The following N4BP2 variants were observed in gnomAD, a reference collection of about 807,000 sequenced individuals.
N4BP2 encodes NEDD4 binding protein 2.
A neutral mutation model predicts 152.8 loss-of-function variants in N4BP2; 91 were observed. The observed-to-expected ratio is 0.60, with a 90% CI of 0.50 to 0.71. The LOEUF (loss-of-function observed/expected upper bound fraction) is 0.71, where lower values mean the gene tolerates loss of function less well. Ranked by LOEUF, N4BP2 falls within the 30% of genes least tolerant of loss-of-function variation. N4BP2 has a pLI of 0.00. For missense variants in N4BP2, 1,923 were observed against 2,059.1 expected (o/e 0.93, Z 1.28); for synonymous variants, 646 against 705.3 (o/e 0.92, Z 1.33).
chr4:40,135,457 T>C (rs967582274), intron 13 of N4BP2, among the ~76,000 whole-genome samples: 11 of 152,170 alleles, frequency 7.2e-5, no homozygotes, highest in African/African-American at 2.7e-4. Flanking sequence ...CCTTTGGGTA[T>C]ATACCCAGTA....
At chr4:40,082,116 A>C (rs1166508582) in intron 2 of N4BP2, among the ~76,000 whole-genome samples, 1 of 152,022 alleles carries the variant, frequency 6.6e-6, no homozygotes, top group Non-Finnish European at 1.5e-5. Context: ...ATCTCAAAAA[A>C]AATAACAAAA....
At chr4:40,141,594 C>T (rs1381124535) in intron 14 of N4BP2, among the ~76,000 whole-genome samples, 1 of 151,770 alleles carries the variant, frequency 6.6e-6, no homozygotes, top group Non-Finnish European at 1.5e-5. Flanking sequence ...ACGCTCCTCA[C>T]TTTCCAGACT....
At chr4:40,119,603 C>A (rs1330245411) in intron 8 of N4BP2, among the ~76,000 whole-genome samples, 1 of 151,998 alleles carries the variant, frequency 6.6e-6, no homozygotes, top group African/African-American at 2.4e-5. Flanking sequence ...AAAGTGGTGT[C>A]CTCTCCTGGG....
intron 16 of N4BP2, among the ~76,000 whole-genome samples, chr4:40,150,674 G>A (rs1721067789): frequency 3.8e-5 from 2 of 52,950 alleles, no homozygotes; most frequent in Admixed American, 4.6e-4. Flanking sequence ...CTGTCTCAGG[G>A]GGAAAAAAAA....
rs1381233181 is a variant in N4BP2 at position 40,152,803 on chromosome 4, C to T, written c.5167C>T (p.Pro1723Ser). 1 of 1,613,970 alleles carries T rather than the reference C, an allele frequency of 6.2e-7. No homozygotes were observed. Among genetic ancestry groups the T allele is most frequent in the Admixed American group, 1.7e-5 (1 of 60,006 alleles). Residue 1723 changes from proline to serine, a missense_variant, in exon 17 of 18, where the codon CCC becomes TCC. Coordinates refer to ENST00000261435, the MANE Select transcript of N4BP2 (RefSeq NM_018177.6). Reference protein sequence around the residue: ...TEEFKQNGGKPYLSVITGRGN... With the variant: ...TEEFKQNGGKSYLSVITGRGN... ...AGAATTTAAGCAGAACGGTGGGAAG[C>T]CCTATTTGTCTGTGATTACGGGGAG...
At position 40,127,822 on chromosome 4, in the gene N4BP2, G is replaced by T. The variant is rs369512401; in HGVS notation, c.4527+1492G>T. Among the ~76,000 whole-genome samples the T allele has an allele frequency of 9.9e-5, 15 of 152,054 alleles. 1 individual carries two copies. Among genetic ancestry groups the T allele is most frequent in the Admixed American group, 5.2e-4 (8 of 15,260 alleles). On this transcript the variant is annotated intron_variant, in intron 12 of 17. Transcript: ENST00000261435. ...ACTACAGGTGCCTGCCACCGCGCCC[G>T]GCTAATTTTTTGTATTTTTTAGTAG...
At chr4:40,107,673 C>T (rs1470979421) in intron 5 of N4BP2, among the ~76,000 whole-genome samples, 1 of 152,106 alleles carries the variant, frequency 6.6e-6, no homozygotes, top group Non-Finnish European at 1.5e-5. Flanking sequence ...TGTGAGCCAC[C>T]GTGCGTGGCC....
At chr4:40,168,978 T>C in the N4BP2 span, among the ~76,000 whole-genome samples, 73 of 152,104 alleles carry the variant, frequency 4.8e-4, no homozygotes, top group Middle Eastern at 0.01. Context: ...CGCCCACCTC[T>C]GCCTCCCAAA....
the N4BP2 span, among the ~76,000 whole-genome samples, chr4:40,179,234 G>A: frequency 6.6e-6 from 1 of 152,120 alleles, no homozygotes; most frequent in Middle Eastern, 3.2e-3. Context: ...GCTGGGTGTG[G>A]TGGCTGACGC....
chr4:40,135,529 C>T (rs1026910293), intron 13 of N4BP2, among the ~76,000 whole-genome samples: 38 of 152,302 alleles, frequency 2.5e-4, no homozygotes, highest in African/African-American at 8.9e-4. Context: ...GCCACACTGA[C>T]TTCCACAGTG....
the N4BP2 span, among the ~76,000 whole-genome samples, chr4:40,179,099 C>A: frequency 6.6e-6 from 1 of 152,106 alleles, no homozygotes; most frequent in African/African-American, 2.4e-5. Flanking sequence ...CTGGGCGCAG[C>A]AGCTCATGCC....
chr4:40,083,110 G>C, intron 2 of N4BP2: 1 of 167,210 alleles, frequency 6.0e-6, no homozygotes, highest in South Asian at 1.5e-4. Context: ...GGGTTGGGGG[G>C]CGGTGCAGAC....
rs1717713106 is a variant in N4BP2, at chr4:40,120,021, A to C, written c.1910A>C (p.Asn637Thr). Residue 637 changes from asparagine to threonine, a missense_variant, in exon 9 of 18, where the codon AAT becomes ACT. Physicochemically the swap from Asn to Thr is moderately conservative, Grantham distance 65 (BLOSUM62 0). Coordinates refer to ENST00000261435, the MANE Select transcript of N4BP2 (RefSeq NM_018177.6). ...LKHLEFTEEK[N>T]LDVTKETMLP... ...CATCTAGAGTTCACTGAAGAGAAGA[A>C]TCTTGATGTAACCAAAGAAACAATG... The C allele has an allele frequency of 6.3e-7, 1 of 1,595,572 alleles. No individual in the cohort carries two copies. Among genetic ancestry groups the C allele is most frequent in the African/African-American group, 1.3e-5 (1 of 74,488 alleles).
chr4:40,070,040 A>G (rs1711989011), intron 1 of N4BP2, among the ~76,000 whole-genome samples: 1 of 152,212 alleles, frequency 6.6e-6, no homozygotes, highest in Non-Finnish European at 1.5e-5. Context: ...GTTTGCTTGA[A>G]GCATGGTACA....
At chr4:40,077,592 T>A (rs1384082034) in intron 2 of N4BP2, among the ~76,000 whole-genome samples, 1 of 152,000 alleles carries the variant, frequency 6.6e-6, no homozygotes, top group Non-Finnish European at 1.5e-5. Flanking sequence ...TAGCTGGAAT[T>A]ACAGGCACCG....
intron 15 of N4BP2, among the ~76,000 whole-genome samples, chr4:40,143,449 G>C (rs1720234128): frequency 6.6e-6 from 1 of 152,026 alleles, no homozygotes; most frequent in Admixed American, 6.5e-5. Flanking sequence ...AAATAGCTGG[G>C]ACTACAGGCA....
intron 2 of N4BP2, among the ~76,000 whole-genome samples, chr4:40,074,500 C>T (rs529283611): frequency 1.2e-4 from 19 of 152,032 alleles, no homozygotes; most frequent in African/African-American, 2.7e-4. Flanking sequence ...TGAGCCACCA[C>T]GCCTGGCCTA....
intron 1 of N4BP2, among the ~76,000 whole-genome samples, chr4:40,058,572 C>G (rs937168046): frequency 1.3e-5 from 2 of 152,120 alleles, no homozygotes; most frequent in Non-Finnish European, 2.9e-5. Context: ...GAAATCAGCA[C>G]GCAGTACGTA....
At chr4:40,173,531 G>T in the N4BP2 span, among the ~76,000 whole-genome samples, 1 of 152,142 alleles carries the variant, frequency 6.6e-6, no homozygotes, top group Non-Finnish European at 1.5e-5. Context: ...ATTTTGACTG[G>T]GGCAGCCAAG....
Sources: allele counts gnomAD v4.1 joint callset (sites outside exome capture counted in the v4.1 genomes callset), GRCh38; gene constraint gnomAD v4.1.1; transcripts MANE v1.5; gene names NCBI Gene and HGNC (gene_info 2026-07-23, HGNC 2026-07-21).